The following JUP variants were observed in gnomAD, a reference collection of about 807,000 sequenced individuals.
JUP encodes the protein junction plakoglobin, also known as catenin (cadherin-associated protein), gamma 80kDa.
Under a neutral mutation model 71.1 loss-of-function variants are expected in JUP, and 28 were observed. The observed-to-expected ratio is 0.39, with a 90% CI of 0.29 to 0.54. JUP has a LOEUF of 0.54. Ranked by LOEUF, JUP falls within the 20% of genes least tolerant of loss-of-function variation. The pLI, the probability that JUP is intolerant of heterozygous loss-of-function variation, is 0.62. For missense variants in JUP, 869 were observed against 1,030.1 expected, an observed-to-expected ratio of 0.84 and a Z score of 2.14; for synonymous variants, 401 against 438.9, an observed-to-expected ratio of 0.91 and a Z score of 1.08.
chr17:41,766,305 G>GAGAAA (rs1567814269), intron 5 of JUP, among the ~76,000 whole-genome samples: 2 of 149,496 alleles, frequency 1.3e-5, no homozygotes, highest in Non-Finnish European at 3.0e-5. Context: ...GAGGAAGAGA[G>GAGAAA]GGAAAGGAAA....
intron 1 of JUP, among the ~76,000 whole-genome samples, chr17:41,780,902 C>T (rs1283433312): frequency 4.0e-5 from 6 of 151,744 alleles, no homozygotes; most frequent in African/African-American, 1.2e-4. Context: ...AAAATTAGGC[C>T]GGGCACAGTG....
intron 4 of JUP, among the ~76,000 whole-genome samples, chr17:41,768,567 A>C (rs1555604938): frequency 5.3e-5 from 8 of 152,060 alleles, no homozygotes. Flanking sequence ...ATCTCAAAAA[A>C]AAAAAAAGAA....
intron 1 of JUP, among the ~76,000 whole-genome samples, chr17:41,774,000 T>C (rs1360465346): frequency 6.6e-6 from 1 of 152,180 alleles, no homozygotes; most frequent in East Asian, 1.9e-4. Flanking sequence ...AGGGCCCTCC[T>C]GCATAGACAG....
rs1597808088 is a variant in JUP at position 41,764,949 on chromosome 17, C to T, written c.1028G>A (p.Ser343Asn). Residue 343 changes from serine to asparagine, a missense_variant, in exon 6 of 14, where the codon AGC becomes AAC. Transcript: ENST00000393931. ...AGCCTCCACAATGGCAGGCTTATTG[C>T]TGGGACACACGGATAGCACCTTGAG... ...RVLKVLSVCP[S>N]NKPAIVEAGG... The T allele has an allele frequency of 3.7e-6, 6 of 1,614,182 alleles. No individual in the cohort carries two copies. Among genetic ancestry groups the T allele is most frequent in the Middle Eastern group, 3.3e-4 (2 of 6,062 alleles).
Position 41,755,326 on chromosome 17 carries a change from G to A in JUP, c.*418C>T. On this transcript the variant is annotated 3_prime_UTR_variant, in exon 14 of 14. Coordinates refer to ENST00000393931, the MANE Select transcript of JUP (RefSeq NM_002230.4). ...AGAAAGACCCTACGGAGGACCTCTG[G>A]AGGCGCAGGGTGCAGCAGGAAGTTA... The A allele has an allele frequency of 2.5e-6, 1 of 402,470 alleles. No homozygotes were observed. Among genetic ancestry groups the A allele is most frequent in the Non-Finnish European group, 4.4e-6 (1 of 228,584 alleles). The allele number at this position is 402,470 out of a possible 1,614,324, so 24.9% of individuals were successfully genotyped here. A position where few individuals can be genotyped will look rare whatever the true frequency, so the allele number is the denominator to read the frequency against.
chr17:41,771,617 C>T (rs1916658230), intron 2 of JUP, 30 bp downstream of exon 2: 1 of 1,604,662 alleles, frequency 6.2e-7, no homozygotes, highest in Non-Finnish European at 8.5e-7. Flanking sequence ...AGGTTTTCTG[C>T]CCCATGCAAT....
At chr17:41,762,172 A>AGTGT (rs1567808437) in intron 8 of JUP, among the ~76,000 whole-genome samples, 4 of 44,090 alleles carry the variant, frequency 9.1e-5, no homozygotes, top group African/African-American at 2.6e-4. Flanking sequence ...AGAGAGAGAG[A>AGTGT]GAGAGTGTGT....
Position 41,757,743 on chromosome 17 carries a change from G to A in JUP, c.1815C>T (p.Ala605=), listed in dbSNP as rs543862977. 2.6e-5 allele frequency: 42 copies of A among 1,612,738 alleles called. No individual in the cohort carries two copies. Among genetic ancestry groups the A allele is most frequent in the East Asian group, 1.1e-4 (5 of 44,856 alleles). ...CCTGGGCCAGCTCACACAGCACCCCGGCAGCCACGCGCTGGATGTTCTCCA... is the reference window on the plus strand; with the variant it reads ...CCTGGGCCAGCTCACACAGCACCCCAGCAGCCACGCGCTGGATGTTCTCCA... ...SSVENIQRVA[A]GVLCELAQDK... The change falls in exon 11 of 14, where the codon GCC becomes GCT. Residue 605 remains alanine (A), a synonymous_variant. Transcript: ENST00000393931.
At chr17:41,756,764 G>A (rs56670626) in intron 12 of JUP, among the ~76,000 whole-genome samples, 2,691 of 152,056 alleles carry the variant, frequency 0.018, 63 homozygotes, top group African/African-American at 0.054. Context: ...GCCGGGTGTG[G>A]TAGCGTGCAC....
chr17:41,783,113 T>C (rs1206246611), intron 1 of JUP, among the ~76,000 whole-genome samples: 2 of 138,434 alleles, frequency 1.4e-5, no homozygotes, highest in African/African-American at 5.7e-5. Flanking sequence ...AAAAAAAAAA[T>C]CCTTTCCAGA....
chr17:41,769,554 G>A lies in JUP; in HGVS notation c.332C>T (p.Thr111Ile), dbSNP rs782080859. 1.9e-6 allele frequency: 3 copies of A among 1,608,690 alleles called. No individual in the cohort carries two copies. In the East Asian group the frequency reaches 6.7e-5, roughly 36 times the overall value. ...LLATQVEGQA[T>I]NLQRLAEPSQ... ...CGGCTCGGCCAGTCGCTGCAGGTTG[G>A]TGGCCTGCCCCTCCACCTGGGTGGC... Residue 111 changes from threonine to isoleucine, a missense_variant, in exon 3 of 14, where the codon ACC becomes ATC. Coordinates refer to ENST00000393931, the MANE Select transcript of JUP (RefSeq NM_002230.4).
chr17:41,756,859 C>G (rs2143403522), intron 12 of JUP, among the ~76,000 whole-genome samples: 1 of 152,202 alleles, frequency 6.6e-6, no homozygotes, highest in African/African-American at 2.4e-5. Context: ...AAGATCACAC[C>G]ACTGCACTCC....
chr17:41,773,036 C>G, intron 1 of JUP: 2 of 973,902 alleles, frequency 2.1e-6, no homozygotes, highest in Non-Finnish European at 2.4e-6. Flanking sequence ...ACTGGTCCCC[C>G]GCGTACAGAT....
intron 1 of JUP, 139 bp from the exon 2 acceptor site, chr17:41,772,001 TG>T: frequency 1.2e-6 from 1 of 835,372 alleles, no homozygotes; most frequent in East Asian, 2.6e-5. Context: ...AGGCTGGGGA[TG>T]GGGGGACTGC....
intron 1 of JUP, among the ~76,000 whole-genome samples, chr17:41,780,419 C>T (rs1438227844): frequency 2.0e-5 from 3 of 151,902 alleles, no homozygotes; most frequent in East Asian, 1.9e-4. Flanking sequence ...GAAGGCCGGG[C>T]GCAGTGGCTC....
Position 41,755,890 on chromosome 17 carries a change from C to G in JUP, c.2092G>C (p.Asp698His), listed in dbSNP as rs1913629445. The change falls in exon 14 of 14, where the codon GAT becomes CAT. Residue 698 changes from aspartate (D) to histidine (H), a missense_variant. By Grantham distance (81) the Asp-to-His change is moderately conservative (BLOSUM62 -1). Transcript: ENST00000393931. ...PINEPYGDDM[D>H]ATYRPMYSSD... ...GAGTACATGGGGCGGTAGGTGGCAT[C>G]CATGTCTGGGGACAAAAAGTGGGGC... 6.2e-7 allele frequency: 1 copy of G among 1,608,360 alleles called. No homozygotes were observed.
intron 8 of JUP, among the ~76,000 whole-genome samples, chr17:41,759,233 C>G (rs1914402490): frequency 1.3e-5 from 2 of 152,042 alleles, no homozygotes; most frequent in African/African-American, 2.4e-5. Flanking sequence ...GCCACCATGC[C>G]CAGCTAATTT....
At chr17:41,763,753 C>T (rs1357078951) in intron 7 of JUP, among the ~76,000 whole-genome samples, 3 of 152,166 alleles carry the variant, frequency 2.0e-5, no homozygotes, top group Non-Finnish European at 2.9e-5. Context: ...CATGTCTACT[C>T]GCTTGTCACC....
chr17:41,778,915 A>C (rs1555609586), intron 1 of JUP, among the ~76,000 whole-genome samples: 3 of 151,256 alleles, frequency 2.0e-5, no homozygotes, highest in Non-Finnish European at 4.4e-5. Flanking sequence ...CGTCTCAAAA[A>C]AAAAGAAAAA....
Sources: gnomAD v4.1 joint callset for allele counts (sites outside exome capture counted in the v4.1 genomes callset) on GRCh38, gnomAD v4.1.1 for gene constraint, MANE v1.5 for transcripts, NCBI Gene and HGNC (gene_info 2026-07-23, HGNC 2026-07-21) for gene names.